The following MUC5AC variants were observed in gnomAD, a reference collection of about 807,000 sequenced individuals.
The protein encoded by MUC5AC is mucin 5AC, oligomeric mucus/gel-forming.
Under a neutral mutation model 169.7 loss-of-function variants are expected in MUC5AC, and 158 were observed. The ratio of observed to expected loss-of-function variants is 0.93; its 90% CI spans 0.82 to 1.06. The LOEUF is 1.06. MUC5AC is among the 50% of genes least tolerant of loss of function. The pLI, the probability that MUC5AC is intolerant of heterozygous loss-of-function variation, is 0.00. For missense variants in MUC5AC, 4,359 were observed against 3,089.9 expected, an observed-to-expected ratio of 1.41 and a Z score of -9.74; for synonymous variants, 1,975 against 1,237.0, an observed-to-expected ratio of 1.60 and a Z score of -12.52.
In MUC5AC at chr11:1,180,488, G is replaced by A. The variant is rs1183834782; in HGVS notation, c.3748G>A (p.Val1250Met). Residue 1250 changes from valine (V) to methionine (M), a missense_variant, in exon 28 of 49, where the codon GTG becomes ATG. Val to Met is a conservative substitution (Grantham distance 21). Transcript: ENST00000621226. Reference sequence around the variant, plus strand: ...GAAGTCCTACCGGCCAGGTGCAGTGGTGCCCTCGGACAAGAACTGCCAGTC... The same window carrying A: ...GAAGTCCTACCGGCCAGGTGCAGTGATGCCCTCGGACAAGAACTGCCAGTC... ...HGKSYRPGAVVPSDKNCQSCL... is the reference protein window; with the variant it reads ...HGKSYRPGAVMPSDKNCQSCL... The A allele has an allele frequency of 1.3e-5, 5 of 398,756 alleles. No homozygotes were observed. The highest frequency in any genetic ancestry group is 1.2e-3 in the Middle Eastern group (2 of 1,612). 24.7% of individuals were successfully genotyped at this position (398,756 alleles called of 1,614,324 possible).
At chr11:1,199,022 C>T (rs1465889432) in intron 44 of MUC5AC, 26 bp downstream of exon 44, 1 of 763,240 alleles carries the variant, frequency 1.3e-6, no homozygotes. Flanking sequence ...CTGCCCCGAC[C>T]CTGCCCTGGC....
Position 1,183,653 on chromosome 11 carries a change from G to T in MUC5AC, c.5508G>T (p.Val1836=), listed in dbSNP as rs1430177047. The change falls in exon 31 of 49, where the codon GTG becomes GTT. Residue 1836 remains valine (V), a synonymous_variant. Transcript: ENST00000621226. ...GPFKMCLNYE[V]RVLCCETPRG... The stretch of plus-strand genomic sequence containing the variant: ...TCAAGATGTGCCTCAACTACGAGGT[G>T]CGTGTGCTCTGCTGCGAGACCCCCA... The T allele has an allele frequency of 1.6e-6, 1 of 638,480 alleles. No homozygotes were observed. The highest frequency in any genetic ancestry group is 2.4e-5 in the Admixed American group (1 of 42,152). The allele number at this position is 638,480 out of a possible 1,614,324, so 39.6% of individuals were successfully genotyped here.
At position 1,164,292 on chromosome 11, in the gene MUC5AC, C is replaced by T. The variant is rs1019623184; in HGVS notation, c.976C>T (p.Gln326Ter). 6.2e-7 allele frequency: 1 copy of T among 1,612,478 alleles called. No individual in the cohort carries two copies. Among genetic ancestry groups the T allele is most frequent in the African/African-American group, 1.3e-5 (1 of 75,058 alleles). The change falls in exon 8 of 49, where the codon CAG becomes TAG. Residue 326 changes from glutamine (Q) to a stop codon, truncating the protein, a stop_gained. Transcript: ENST00000621226. LOFTEE classifies it high-confidence loss of function. ...RQCTHAGGLP[Q>*]DWRGPDFCPQ... is the part of the protein sequence containing the mutation. The stretch of plus-strand genomic sequence containing the variant: ...GTGCACCCATGCAGGGGGGTTGCCC[C>T]AGGACTGGCGGGGCCCTGACTTCTG...
intron 42 of MUC5AC, 107 bp from the exon 43 acceptor site, chr11:1,198,161 T>G: frequency 1.4e-6 from 1 of 697,430 alleles, no homozygotes; most frequent in Non-Finnish European, 2.6e-6. Context: ...CAAACCCCAG[T>G]GGCGAGCCCG....
At chr11:1,181,945 G>A (rs1044997295) in intron 30 of MUC5AC, among the ~76,000 whole-genome samples, 7 of 152,220 alleles carry the variant, frequency 4.6e-5, no homozygotes, top group Non-Finnish European at 7.3e-5. Flanking sequence ...TCAGGGCATG[G>A]CCTGGGAGCC....
intron 1 of MUC5AC, among the ~76,000 whole-genome samples, chr11:1,160,182 C>T (rs1860097097): frequency 6.6e-6 from 1 of 152,100 alleles, no homozygotes. Context: ...TGTAGGGAGG[C>T]AGGGTCCTCC....
At position 1,192,227 on chromosome 11, in the gene MUC5AC, G is replaced by A. The variant is rs1411253995; in HGVS notation, c.14082G>A (p.Gln4694=). Residue 4694 remains glutamine (Q), a synonymous_variant, in exon 31 of 49, where the codon CAG becomes CAA. Transcript: ENST00000621226. ...TTGAACACCTGGGTCAGGTGGTGCA[G>A]TGCAGCCGTGAAGAGGGCCTGGTGT... ...VNIEHLGQVV[Q]CSREEGLVCR... The A allele has an allele frequency of 1.3e-6, 1 of 765,012 alleles. No homozygotes were observed. Among genetic ancestry groups the A allele is most frequent in the African/African-American group, 1.7e-5 (1 of 59,132 alleles). The allele number at this position is 765,012 out of a possible 1,614,324, so 47.4% of individuals were successfully genotyped here.
At chr11:1,194,389 G>A (rs747798844) in intron 34 of MUC5AC, 29 bp downstream of exon 34, 2 of 711,314 alleles carry the variant, frequency 2.8e-6, no homozygotes, top group Admixed American at 3.9e-5. Flanking sequence ...TGCCGCGGAG[G>A]GGGTGGGGGA....
Position 1,168,535 on chromosome 11 carries a change from A to T in MUC5AC, c.1550A>T (p.Gln517Leu). ...GEVFLNQIYT[Q>L]LPISAANVTI... ...GTGTTCCTGAACCAGATCTACACCC[A>T]GCTGCCCATCTCTGCAGGTGAGGGC... Residue 517 changes from glutamine to leucine, a missense_variant, in exon 13 of 49, where the codon CAG becomes CTG. Gln to Leu is a moderately radical substitution (Grantham distance 113, BLOSUM62 -2). Coordinates refer to ENST00000621226, the MANE Select transcript of MUC5AC (RefSeq NM_001304359.2). The T allele has an allele frequency of 6.2e-7, 1 of 1,612,594 alleles. No individual in the cohort carries two copies. Among genetic ancestry groups the T allele is most frequent in the East Asian group, 2.2e-5 (1 of 44,874 alleles).
Position 1,185,104 on chromosome 11 carries a change from C to T in MUC5AC, c.6959C>T (p.Pro2320Leu), listed in dbSNP as rs1860903530. 1.1e-5 allele frequency: 8 copies of T among 714,168 alleles called. No homozygotes were observed. In the Admixed American group the frequency reaches 1.3e-4, roughly 12 times the overall value. 44.2% of individuals were successfully genotyped at this position (714,168 alleles called of 1,614,324 possible). The change falls in exon 31 of 49, where the codon CCT becomes CTT. Residue 2320 changes from proline to leucine, a missense_variant. Physicochemically the swap from Pro to Leu is moderately conservative, Grantham distance 98. Transcript: ENST00000621226. ...PVPTTSTISAPTTSITSAPTT... is the reference protein window; with the variant it reads ...PVPTTSTISALTTSITSAPTT... ...CCTACCACCAGCACAATCTCTGCTC[C>T]TACAACTAGCATAACCTCTGCCCCT...
At chr11:1,161,708 T>G in intron 3 of MUC5AC, 122 bp downstream of exon 3, 1 of 1,313,014 alleles carries the variant, frequency 7.6e-7, no homozygotes, top group Middle Eastern at 1.9e-4. Context: ...GGGTGGGTAT[T>G]GGAGCCAGAG....
At position 1,192,505 on chromosome 11, in the gene MUC5AC, C is replaced by G. The variant is rs1396549330; in HGVS notation, c.14360C>G (p.Ala4787Gly). 1 of 765,060 alleles carries G rather than the reference C, an allele frequency of 1.3e-6. No homozygotes were observed. Among genetic ancestry groups the G allele is most frequent in the East Asian group, 2.4e-5 (1 of 41,256 alleles). The allele number at this position is 765,060 out of a possible 1,614,324, so 47.4% of individuals were successfully genotyped here. Reference protein sequence around the residue: ...YSTQTCFCNVADRLYPAGSTI... With the variant: ...YSTQTCFCNVGDRLYPAGSTI... ...ACCCAAACCTGCTTCTGCAACGTGG[C>G]TGACCGGCTCTACCCTGCAGGTTCG... is the stretch of plus-strand genomic sequence containing the variant. Residue 4787 changes from alanine (A) to glycine (G), a missense_variant, in exon 31 of 49, where the codon GCT (alanine) becomes GGT (glycine). Coordinates refer to ENST00000621226, the MANE Select transcript of MUC5AC (RefSeq NM_001304359.2).
Position 1,195,930 on chromosome 11 carries a change from C to T in MUC5AC, c.15513C>T (p.Cys5171=), listed in dbSNP as rs779170497. The change falls in exon 37 of 49, where the codon TGC becomes TGT. Residue 5171 remains cysteine, a synonymous_variant. Coordinates refer to ENST00000621226, the MANE Select transcript of MUC5AC (RefSeq NM_001304359.2). ...CCCCACTGCTGTTCTATGAGGGCTG[C>T]GTCTTTGACCGGTGCCACATGACGG... ...VIPPLLFYEG[C]VFDRCHMTDL... is the part of the protein sequence containing the mutation. 9.2e-6 allele frequency: 7 copies of T among 764,836 alleles called. No homozygotes were observed. Among genetic ancestry groups the T allele is most frequent in the Admixed American group, 3.4e-5 (2 of 59,002 alleles). 47.4% of individuals were successfully genotyped at this position (764,836 alleles called of 1,614,324 possible).
chr11:1,194,165 C>T lies in MUC5AC; in HGVS notation c.14811C>T (p.Tyr4937=), dbSNP rs570187315. The T allele has an allele frequency of 3.9e-6, 3 of 765,108 alleles. No individual in the cohort carries two copies. The highest frequency in any genetic ancestry group is 1.7e-5 in the Admixed American group (1 of 59,036). 47.4% of individuals were successfully genotyped at this position (765,108 alleles called of 1,614,324 possible). A position where few individuals can be genotyped will look rare whatever the true frequency, so the allele number is the denominator to read the frequency against. Reference sequence around the variant, plus strand: ...ACATCACCTTCGACGGCACCTACTACACCTTCCTGGACAACTGCACGTACG... The same window carrying T: ...ACATCACCTTCGACGGCACCTACTATACCTTCCTGGACAACTGCACGTACG... ...PHYITFDGTY[Y]TFLDNCTYVL... is the part of the protein sequence containing the mutation. Residue 4937 remains tyrosine (Y), a synonymous_variant, in exon 34 of 49, where the codon TAC becomes TAT. Transcript: ENST00000621226.
chr11:1,192,970 T>TAC lies in MUC5AC; in HGVS notation c.14568_14569insAC (p.Pro4857ThrfsTer48). The TAC allele has an allele frequency of 1.4e-6, 1 of 719,482 alleles. No homozygotes were observed. The highest frequency in any genetic ancestry group is 2.6e-6 in the Non-Finnish European group (1 of 391,168). The allele number at this position is 719,482 out of a possible 1,614,324, so 44.6% of individuals were successfully genotyped here. On this transcript the variant is annotated frameshift_variant, in exon 32 of 49. Transcript: ENST00000621226. LOFTEE classifies it high-confidence loss of function. ...CTGAGCTGGGATGCCCAAATGCGGT[T>TAC]CCCCCCAGAAAGGTAACCCCCTACT...
intron 31 of MUC5AC, 95 bp downstream of exon 31, chr11:1,192,620 C>T (rs1861152359): frequency 1.4e-6 from 1 of 709,518 alleles, no homozygotes; most frequent in South Asian, 1.5e-5. Flanking sequence ...GGAGTCTCTG[C>T]TCTTTGTGGC....
In MUC5AC at chr11:1,199,445, G is replaced by C. The variant is rs1453279771; in HGVS notation, c.16470G>C (p.Val5490=). The C allele has an allele frequency of 2.7e-6, 2 of 729,326 alleles. No individual in the cohort carries two copies. The highest frequency in any genetic ancestry group is 3.4e-5 in the African/African-American group (2 of 58,150). 45.2% of individuals were successfully genotyped at this position (729,326 alleles called of 1,614,324 possible). Residue 5490 remains valine (V), a synonymous_variant, in exon 46 of 49, where the codon GTG becomes GTC. Coordinates refer to ENST00000621226, the MANE Select transcript of MUC5AC (RefSeq NM_001304359.2). ...GTGAGAAGCACCAGGATGGGCTCGT[G>C]GTGGTCACCACGAAGAAGGCGTGCC... The part of the protein sequence containing the change: ...HQCEKHQDGL[V]VVTTKKACPP...
chr11:1,161,239 ACT>A (rs1299357337), intron 2 of MUC5AC, among the ~76,000 whole-genome samples: 9 of 152,108 alleles, frequency 5.9e-5, no homozygotes, highest in Admixed American at 2.6e-4. Flanking sequence ...GCTGATGCAG[ACT>A]CAGGTTCTGA....
chr11:1,197,853 G>A lies in MUC5AC; in HGVS notation c.16034-50G>A, dbSNP rs957715663. On this transcript the variant is annotated intron_variant, in intron 41 of 48. Transcript: ENST00000621226. The stretch of plus-strand genomic sequence containing the variant: ...TAGAGACCCCAGGGGGTGGGCCTTC[G>A]GGTGGGGGCGGGGGACAGACTCCTA... 151 of 687,918 alleles carry A rather than the reference G, an allele frequency of 2.2e-4. No individual in the cohort carries two copies. The Admixed American group carries it at 2.9e-3, about 13-fold the overall frequency. The allele number at this position is 687,918 out of a possible 1,614,324, so 42.6% of individuals were successfully genotyped here. A position where few individuals can be genotyped will look rare whatever the true frequency, so the allele number is the denominator to read the frequency against.
Sources: allele counts gnomAD v4.1 joint callset (sites outside exome capture counted in the v4.1 genomes callset), GRCh38; gene constraint gnomAD v4.1.1; transcripts MANE v1.5; gene names NCBI Gene and HGNC (gene_info 2026-07-23, HGNC 2026-07-21).